Variants in DCAF6 observed in about 807,000 individuals in gnomAD.
The protein encoded by DCAF6 is DDB1- and CUL4-associated factor 6.
DCAF6 carries 54 observed loss-of-function variants against 125.1 expected under a neutral mutation model. That is an observed-to-expected ratio of 0.43 (90% CI 0.35 to 0.54). DCAF6 has a LOEUF of 0.54. Among genes scored for constraint, DCAF6 ranks in the 20% least tolerant of loss-of-function variants. The pLI, the probability that DCAF6 is intolerant of heterozygous loss-of-function variation, is 0.01. For synonymous variants in DCAF6, 371 were observed against 390.4 expected (o/e 0.95, Z 0.58); for missense variants, 934 against 1,161.7 (o/e 0.80, Z 2.85).
rs575705406 is a variant in DCAF6, at chr1:168,020,931, A to G, written c.1550-2057A>G. On this transcript the variant is annotated intron_variant, in intron 11 of 21. Coordinates refer to ENST00000367840, the MANE Select transcript of DCAF6 (RefSeq NM_001198956.2). Reference sequence around the variant, plus strand: ...GTGACCAGGAAGGATTTCTTCATAAAATTAATCTTCAAGATGGGAGGAACA... The same window carrying G: ...GTGACCAGGAAGGATTTCTTCATAAGATTAATCTTCAAGATGGGAGGAACA... 8.3e-4 allele frequency among the ~76,000 whole-genome samples: 127 copies of G among 152,264 alleles called. 1 individual carries two copies. Among genetic ancestry groups the G allele is most frequent in the Non-Finnish European group, 3.4e-4 (23 of 67,982 alleles).
chr1:167,990,768 T>G (rs1164220217), intron 5 of DCAF6, among the ~76,000 whole-genome samples: 4 of 152,204 alleles, frequency 2.6e-5, no homozygotes, highest in Non-Finnish European at 5.9e-5. Context: ...GTAATTTTTA[T>G]TTTTTCCTTT....
At chr1:167,871,982 G>T in the DCAF6 span, among the ~76,000 whole-genome samples, 1,599 of 152,242 alleles carry the variant, frequency 0.011, 11 homozygotes, top group Admixed American at 0.016. Flanking sequence ...TAACAAACCT[G>T]CACGTTGTGC....
intron 11 of DCAF6, among the ~76,000 whole-genome samples, chr1:168,021,986 G>A (rs564070172): frequency 1.3e-5 from 2 of 152,196 alleles, no homozygotes; most frequent in East Asian, 1.9e-4. Context: ...TGGTTGGGGA[G>A]AGTTGCGCTT....
At chr1:168,033,048 A>G (rs1477068097) in intron 12 of DCAF6, among the ~76,000 whole-genome samples, 1 of 151,936 alleles carries the variant, frequency 6.6e-6, no homozygotes, top group African/African-American at 2.4e-5. Flanking sequence ...GTGTTTTTGT[A>G]TGTCTTTGAG....
intron 17 of DCAF6, among the ~76,000 whole-genome samples, chr1:168,053,579 G>T (rs1008354676): frequency 1.3e-5 from 2 of 152,190 alleles, no homozygotes; most frequent in Non-Finnish European, 2.9e-5. Context: ...TCCAGGCTCA[G>T]TGTTCCAAAG....
chr1:168,009,365 T>C (rs906506399), intron 10 of DCAF6, among the ~76,000 whole-genome samples: 4 of 140,116 alleles, frequency 2.9e-5, no homozygotes, highest in African/African-American at 1.2e-4. Context: ...CTTCCTTCCT[T>C]CCTTCCTTCC....
chr1:167,996,596 G>A (rs1260836751), intron 7 of DCAF6, among the ~76,000 whole-genome samples: 3 of 152,104 alleles, frequency 2.0e-5, no homozygotes, highest in Non-Finnish European at 2.9e-5. Context: ...AAATCATGCC[G>A]CTCTTCTCAT....
intron 16 of DCAF6, among the ~76,000 whole-genome samples, chr1:168,048,799 A>C (rs1689457160): frequency 6.6e-6 from 1 of 152,252 alleles, no homozygotes; most frequent in Non-Finnish European, 1.5e-5. Flanking sequence ...TTATATGACC[A>C]TTTAAAATAT....
At chr1:167,912,725 C>T in the DCAF6 span, among the ~76,000 whole-genome samples, 1 of 152,216 alleles carries the variant, frequency 6.6e-6, no homozygotes, top group Admixed American at 6.5e-5. Flanking sequence ...AATCACTCCA[C>T]ATGTGTCTGT....
chr1:167,882,487 A>AAAG, the DCAF6 span, among the ~76,000 whole-genome samples: 1 of 150,148 alleles, frequency 6.7e-6, no homozygotes, highest in Non-Finnish European at 1.5e-5. Flanking sequence ...TCCGTCTCAA[A>AAAG]AAAAAAAAAA....
Position 168,063,720 on chromosome 1 carries a change from A to G in DCAF6, c.2400A>G (p.Val800=). The G allele has an allele frequency of 6.2e-7, 1 of 1,606,160 alleles. No homozygotes were observed. The highest frequency in any genetic ancestry group is 8.5e-7 in the Non-Finnish European group (1 of 1,177,290). Residue 800 remains valine, a synonymous_variant, in exon 18 of 22, where the codon GTA becomes GTG. Transcript: ENST00000367840. The part of the protein sequence containing the change: ...LDTLNIRRPL[V]KMVYKGHRNS... ...CTTTGAACATTAGAAGGCCGCTAGTAAAAATGGTTTATAAAGGCCATCGCA... is the reference window on the plus strand; with the variant it reads ...CTTTGAACATTAGAAGGCCGCTAGTGAAAATGGTTTATAAAGGCCATCGCA...
the DCAF6 span, chr1:167,880,459 G>T: frequency 1.8e-5 from 27 of 1,515,574 alleles, no homozygotes; most frequent in Non-Finnish European, 2.3e-5. Context: ...AAGGGTCAGG[G>T]ACCGCTGGGT....
At chr1:168,070,723 G>A (rs1184617253) in intron 21 of DCAF6, among the ~76,000 whole-genome samples, 2 of 152,172 alleles carry the variant, frequency 1.3e-5, no homozygotes, top group African/African-American at 2.4e-5. Context: ...CACTTGAGAT[G>A]GAAAGGCATT....
intron 4 of DCAF6, among the ~76,000 whole-genome samples, chr1:167,984,560 CA>C (rs11322208): frequency 0.21 from 31,348 of 151,908 alleles, 3,853 homozygotes; most frequent in Admixed American, 0.36. Flanking sequence ...ATAAAGTCAT[CA>C]AAGCTAAGTC....
intron 7 of DCAF6, among the ~76,000 whole-genome samples, chr1:168,002,223 C>T (rs915407640): frequency 6.6e-6 from 1 of 152,144 alleles, no homozygotes; most frequent in Non-Finnish European, 1.5e-5. Context: ...ATCACATATA[C>T]ATGATTTCAA....
intron 10 of DCAF6, among the ~76,000 whole-genome samples, chr1:168,011,614 T>C (rs1326084501): frequency 6.6e-6 from 1 of 152,194 alleles, no homozygotes; most frequent in Non-Finnish European, 1.5e-5. Context: ...ATCCAAATTA[T>C]AGCTTCCTTA....
the DCAF6 span, among the ~76,000 whole-genome samples, chr1:167,891,428 G>A: frequency 1.3e-5 from 2 of 151,672 alleles, no homozygotes; most frequent in Middle Eastern, 3.4e-3. Context: ...AGGCTGAGGC[G>A]GGAAGATCAC....
chr1:167,905,189 A>G, the DCAF6 span: 7 of 1,605,208 alleles, frequency 4.4e-6, no homozygotes, highest in South Asian at 7.7e-5. Context: ...GCAGTCTCCA[A>G]ATAGGTCTTC....
rs564666021 is a variant in DCAF6, at chr1:168,033,465, G to C, written c.1610-4906G>C. On this transcript the variant is annotated intron_variant, in intron 12 of 21. Transcript: ENST00000367840. Reference sequence around the variant, plus strand: ...CGAGTAGCTGGGACTACAGGCGCCCGCCACCGCGCCCGGCTAATTTTTTGT... The same window carrying C: ...CGAGTAGCTGGGACTACAGGCGCCCCCCACCGCGCCCGGCTAATTTTTTGT... Among the ~76,000 whole-genome samples the C allele has an allele frequency of 2.6e-5, 4 of 151,976 alleles. No individual in the cohort carries two copies. In the East Asian group the frequency reaches 7.8e-4, roughly 29 times the overall value.
Sources: gnomAD v4.1 joint callset for allele counts (sites outside exome capture counted in the v4.1 genomes callset) on GRCh38, gnomAD v4.1.1 for gene constraint, MANE v1.5 for transcripts, NCBI Gene and HGNC (gene_info 2026-07-23, HGNC 2026-07-21) for gene names.